The following QTMAN variants were observed in gnomAD, a reference collection of about 807,000 sequenced individuals.
QTMAN encodes the protein queuosine-tRNA mannosyltransferase.
the QTMAN span, among the ~76,000 whole-genome samples, chr2:144,131,441 T>C: frequency 6.6e-6 from 1 of 152,022 alleles, no homozygotes; most frequent in South Asian, 2.1e-4. Flanking sequence ...CCTATTCTAG[T>C]AGTTTTTTCA....
At chr2:144,315,511 G>A in the QTMAN span, among the ~76,000 whole-genome samples, 3 of 152,154 alleles carry the variant, frequency 2.0e-5, no homozygotes, top group Non-Finnish European at 4.4e-5. Context: ...TCATATTAAA[G>A]GTCACTTGTT....
chr2:144,057,680 CT>C, the QTMAN span, among the ~76,000 whole-genome samples: 2 of 152,074 alleles, frequency 1.3e-5, no homozygotes, highest in Non-Finnish European at 1.5e-5. Context: ...ATTATAATAC[CT>C]CTTCCAAGTA....
the QTMAN span, among the ~76,000 whole-genome samples, chr2:144,077,207 A>T: frequency 6.6e-6 from 1 of 152,250 alleles, no homozygotes; most frequent in African/African-American, 2.4e-5. Flanking sequence ...TTTGTGATAC[A>T]CAATGACTCC....
At chr2:144,320,605 G>A in the QTMAN span, among the ~76,000 whole-genome samples, 169 of 152,224 alleles carry the variant, frequency 1.1e-3, no homozygotes, top group African/African-American at 3.9e-3. Context: ...CCTGCTCCAT[G>A]TCCCCAAACT....
chr2:144,060,448 A>G, the QTMAN span, among the ~76,000 whole-genome samples: 3 of 152,218 alleles, frequency 2.0e-5, no homozygotes, highest in South Asian at 6.2e-4. Context: ...TTTAGTAGAG[A>G]CAGGGTTTCG....
the QTMAN span, among the ~76,000 whole-genome samples, chr2:144,329,711 C>T: frequency 6.6e-6 from 1 of 152,174 alleles, no homozygotes; most frequent in Non-Finnish European, 1.5e-5. Flanking sequence ...GTATCTGACA[C>T]CTGCTACCTC....
the QTMAN span, among the ~76,000 whole-genome samples, chr2:143,996,235 T>C: frequency 6.6e-6 from 1 of 151,660 alleles, no homozygotes; most frequent in Non-Finnish European, 1.5e-5. Flanking sequence ...GTGCATTCTA[T>C]GTCTGTCCAG....
the QTMAN span, among the ~76,000 whole-genome samples, chr2:144,156,702 C>CA: frequency 8.6e-5 from 13 of 151,678 alleles, no homozygotes; most frequent in South Asian, 4.2e-4. Flanking sequence ...AAAAAACAAA[C>CA]AAAAAAAATG....
the QTMAN span, among the ~76,000 whole-genome samples, chr2:143,979,720 T>G: frequency 6.6e-6 from 1 of 152,232 alleles, no homozygotes; most frequent in Admixed American, 6.5e-5. Context: ...TCAGCACATA[T>G]AGATATCTCA....
the QTMAN span, among the ~76,000 whole-genome samples, chr2:144,162,050 A>G: frequency 6.6e-6 from 1 of 152,200 alleles, no homozygotes; most frequent in South Asian, 2.1e-4. Flanking sequence ...GCTTCAAGTG[A>G]TAAATGGTTC....
At chr2:144,280,215 T>C in the QTMAN span, among the ~76,000 whole-genome samples, 1 of 152,220 alleles carries the variant, frequency 6.6e-6, no homozygotes, top group Non-Finnish European at 1.5e-5. Flanking sequence ...TACCCAAAGA[T>C]GGAGTCACTG....
chr2:143,951,605 A>G, the QTMAN span, among the ~76,000 whole-genome samples: 1 of 151,574 alleles, frequency 6.6e-6, no homozygotes, highest in African/African-American at 2.4e-5. Flanking sequence ...TAAAGATTTC[A>G]TTATGATGGG....
chr2:144,000,960 A>T, the QTMAN span, among the ~76,000 whole-genome samples: 1 of 151,954 alleles, frequency 6.6e-6, no homozygotes, highest in African/African-American at 2.4e-5. Flanking sequence ...TTCACCCCAC[A>T]CCATCCTCTG....
At chr2:144,022,431 AGATTCAT>A in the QTMAN span, among the ~76,000 whole-genome samples, 1 of 151,988 alleles carries the variant, frequency 6.6e-6, no homozygotes, top group South Asian at 2.1e-4. Context: ...CTGGGACTGC[AGATTCAT>A]GCCACTATGC....
chr2:144,217,136 T>A, the QTMAN span, among the ~76,000 whole-genome samples: 1 of 152,130 alleles, frequency 6.6e-6, no homozygotes, highest in Non-Finnish European at 1.5e-5. Context: ...CCCTGACCCA[T>A]TCGGATACGA....
the QTMAN span, among the ~76,000 whole-genome samples, chr2:144,107,953 C>T: frequency 7.2e-5 from 11 of 152,234 alleles, no homozygotes; most frequent in Admixed American, 3.3e-4. Context: ...GTTCAACATA[C>T]GCAAATCAAT....
At chr2:144,165,488 A>C in the QTMAN span, among the ~76,000 whole-genome samples, 2 of 152,180 alleles carry the variant, frequency 1.3e-5, no homozygotes, top group Admixed American at 6.5e-5. Context: ...TGGCATATTC[A>C]CTACCATTAT....
the QTMAN span, among the ~76,000 whole-genome samples, chr2:144,213,238 A>G: frequency 3.9e-5 from 6 of 152,060 alleles, no homozygotes; most frequent in African/African-American, 7.2e-5. Context: ...ACTTGACCCA[A>G]TTTCTTTATT....
the QTMAN span, among the ~76,000 whole-genome samples, chr2:144,290,851 T>A: frequency 1.3e-5 from 2 of 152,118 alleles, no homozygotes; most frequent in African/African-American, 4.8e-5. Context: ...CCTCTCCCAA[T>A]CCCCTATATA....
Sources: allele counts gnomAD v4.1 joint callset (sites outside exome capture counted in the v4.1 genomes callset), GRCh38; gene constraint gnomAD v4.1.1; transcripts MANE v1.5; gene names NCBI Gene and HGNC (gene_info 2026-07-23, HGNC 2026-07-21).